Variants in CDS1 observed in about 807,000 individuals in gnomAD.
CDS1 encodes the protein CDP-diacylglycerol synthase 1.
A neutral mutation model predicts 62.1 loss-of-function variants in CDS1; 41 were observed. The ratio of observed to expected loss-of-function variants is 0.66; its 90% CI spans 0.51 to 0.86. The LOEUF (loss-of-function observed/expected upper bound fraction) is 0.86. Ranked by LOEUF, CDS1 falls within the 40% of genes least tolerant of loss-of-function variation. The pLI is 0.00. For missense variants in CDS1, 470 were observed against 550.1 expected, an observed-to-expected ratio of 0.85 and a Z score of 1.46; for synonymous variants, 185 against 192.6, an observed-to-expected ratio of 0.96 and a Z score of 0.32.
At chr4:84,620,240 T>TC (rs1723638622) in intron 5 of CDS1, among the ~76,000 whole-genome samples, 1 of 130,332 alleles carries the variant, frequency 7.7e-6, no homozygotes, top group African/African-American at 3.6e-5. Context: ...TTTTTTTTTT[T>TC]GAGATGGAGT....
chr4:84,600,189 G>A (rs765398282), intron 1 of CDS1, among the ~76,000 whole-genome samples: 1 of 152,220 alleles, frequency 6.6e-6, no homozygotes, highest in Middle Eastern at 3.4e-3. Flanking sequence ...CCCCTGAAAT[G>A]TCTGTCCAAA....
At position 84,599,896 on chromosome 4, in the gene CDS1, C is replaced by T. The variant is rs539323425; in HGVS notation, c.118-4347C>T. ...CACTTCAGTTTATCTTGGGTAAATA[C>T]CTAGGAGTGAAATGGCTGGGTCAGT... On this transcript the variant is annotated intron_variant, in intron 1 of 12. Transcript: ENST00000295887. Among the ~76,000 whole-genome samples the T allele has an allele frequency of 1.5e-4, 23 of 152,086 alleles. No homozygotes were observed. In the South Asian group the frequency reaches 4.6e-3, roughly 30 times the overall value.
At chr4:84,626,425 T>C (rs1286763284) in intron 5 of CDS1, among the ~76,000 whole-genome samples, 1 of 152,206 alleles carries the variant, frequency 6.6e-6, no homozygotes, top group Non-Finnish European at 1.5e-5. Context: ...CACCAGGATA[T>C]TGACATCATT....
intron 2 of CDS1, 94 bp downstream of exon 2, chr4:84,604,464 TC>T: frequency 7.8e-7 from 1 of 1,280,932 alleles, no homozygotes; most frequent in Non-Finnish European, 1.1e-6. Context: ...TTGTAAGTTT[TC>T]CAGCCATGGT....
intron 1 of CDS1, among the ~76,000 whole-genome samples, chr4:84,588,741 G>T (rs555089741): frequency 3.0e-4 from 45 of 152,226 alleles, no homozygotes; most frequent in Admixed American, 8.5e-4. Context: ...TCTGAAAGTG[G>T]TCTATCTTTT....
chr4:84,606,324 GT>G (rs200151123), intron 2 of CDS1, among the ~76,000 whole-genome samples: 2,260 of 150,206 alleles, frequency 0.015, 31 homozygotes, highest in Non-Finnish European at 0.023. Context: ...GTGTGTGTGT[GT>G]GTGTGTATGT....
At chr4:84,630,625 C>T (rs957988557) in intron 5 of CDS1, among the ~76,000 whole-genome samples, 2 of 152,064 alleles carry the variant, frequency 1.3e-5, no homozygotes, top group East Asian at 1.9e-4. Context: ...CAATTTCTCT[C>T]TTGGAGAACT....
At chr4:84,595,623 C>T (rs1334518690) in intron 1 of CDS1, among the ~76,000 whole-genome samples, 1 of 152,188 alleles carries the variant, frequency 6.6e-6, no homozygotes, top group Non-Finnish European at 1.5e-5. Context: ...GTACTTGTTT[C>T]TCACTCTAAA....
intron 10 of CDS1, among the ~76,000 whole-genome samples, chr4:84,641,892 T>C (rs1390622279): frequency 6.6e-6 from 1 of 152,240 alleles, no homozygotes; most frequent in Admixed American, 6.5e-5. Flanking sequence ...GCTTAACAAA[T>C]TATTTCTCTC....
intron 5 of CDS1, among the ~76,000 whole-genome samples, chr4:84,629,807 A>G (rs1163984744): frequency 6.6e-6 from 1 of 152,246 alleles, no homozygotes; most frequent in African/African-American, 2.4e-5. Context: ...TAAAATGTCC[A>G]TTAGGAAAAT....
intron 7 of CDS1, 31 bp downstream of exon 7, chr4:84,633,970 G>C (rs773240014): frequency 1.6e-6 from 2 of 1,267,390 alleles, no homozygotes; most frequent in South Asian, 2.6e-5. Flanking sequence ...TGCTTTATAA[G>C]TATGTCATAG....
At chr4:84,636,047 G>A (rs900022296) in intron 8 of CDS1, among the ~76,000 whole-genome samples, 18 of 151,910 alleles carry the variant, frequency 1.2e-4, no homozygotes, top group Non-Finnish European at 2.5e-4. Context: ...GTGAGCCACC[G>A]CCCCTGGGCT....
chr4:84,599,937 T>C (rs1223681370), intron 1 of CDS1, among the ~76,000 whole-genome samples: 4 of 152,186 alleles, frequency 2.6e-5, no homozygotes, highest in African/African-American at 9.6e-5. Context: ...GTTGTATATG[T>C]AATTTTTAAA....
At chr4:84,598,395 CT>C (rs995286412) in intron 1 of CDS1, among the ~76,000 whole-genome samples, 2 of 149,546 alleles carry the variant, frequency 1.3e-5, no homozygotes, top group African/African-American at 4.9e-5. Flanking sequence ...TTCTAACTCA[CT>C]TTTTTTCTTT....
chr4:84,588,536 A>G (rs1425795371), intron 1 of CDS1, among the ~76,000 whole-genome samples: 2 of 152,090 alleles, frequency 1.3e-5, no homozygotes, highest in Non-Finnish European at 2.9e-5. Context: ...TAACCTCCCT[A>G]AAAATTTGGA....
At chr4:84,646,983 T>C (rs978745389) in intron 12 of CDS1, among the ~76,000 whole-genome samples, 13 of 152,306 alleles carry the variant, frequency 8.5e-5, no homozygotes, top group Non-Finnish European at 1.9e-4. Context: ...TTGTCATATC[T>C]CTCCATTGAA....
intron 2 of CDS1, among the ~76,000 whole-genome samples, chr4:84,608,690 C>G (rs1723210621): frequency 6.6e-6 from 1 of 152,048 alleles, no homozygotes; most frequent in South Asian, 2.1e-4. Flanking sequence ...TCCATGCTGT[C>G]TATATCATAT....
At chr4:84,620,556 C>G (rs947056053) in intron 5 of CDS1, among the ~76,000 whole-genome samples, 2 of 151,440 alleles carry the variant, frequency 1.3e-5, no homozygotes, top group Non-Finnish European at 2.9e-5. Flanking sequence ...ATAATATATG[C>G]AACTGTTTAT....
At chr4:84,615,459 C>G (rs1723459141) in intron 3 of CDS1, among the ~76,000 whole-genome samples, 3 of 152,100 alleles carry the variant, frequency 2.0e-5, no homozygotes, top group Admixed American at 6.6e-5. Context: ...ATCTCTCTCT[C>G]CTTCTTACCC....
Sources: gnomAD v4.1 joint callset for allele counts (sites outside exome capture counted in the v4.1 genomes callset) on GRCh38, gnomAD v4.1.1 for gene constraint, MANE v1.5 for transcripts, NCBI Gene and HGNC (gene_info 2026-07-23, HGNC 2026-07-21) for gene names.